Variants in HTR4 observed in about 807,000 individuals in gnomAD.
HTR4 encodes the protein 5-hydroxytryptamine (serotonin) receptor 4, G protein-coupled.
Under a neutral mutation model 36.8 loss-of-function variants are expected in HTR4, and 16 were observed. That is an observed-to-expected ratio of 0.43 (90% CI 0.29 to 0.66). The LOEUF is 0.66. HTR4 is among the 30% of genes least tolerant of loss of function. The probability of loss-of-function intolerance (pLI) is 0.13; values close to 1 mark genes in which losing one functional copy is unlikely to be tolerated. For synonymous variants in HTR4, 189 were observed against 185.1 expected (o/e 1.02, Z -0.17); for missense variants, 438 against 490.9 (o/e 0.89, Z 1.02).
intron 2 of HTR4, among the ~76,000 whole-genome samples, chr5:148,577,623 A>G (rs1195296107): frequency 6.6e-6 from 1 of 152,160 alleles, no homozygotes; most frequent in African/African-American, 2.4e-5. Flanking sequence ...TACACCATAG[A>G]ATACTATGCA....
At chr5:148,546,365 A>G (rs571979901) in intron 4 of HTR4, among the ~76,000 whole-genome samples, 2 of 152,228 alleles carry the variant, frequency 1.3e-5, no homozygotes, top group African/African-American at 4.8e-5. Context: ...TAGACTCAGA[A>G]AGGCTTAATC....
At chr5:148,501,506 T>C (rs187357310) in intron 6 of HTR4, among the ~76,000 whole-genome samples, 1 of 152,328 alleles carries the variant, frequency 6.6e-6, no homozygotes, top group Non-Finnish European at 1.5e-5. Context: ...AAAATTGTCT[T>C]AGTTGTGTTA....
rs995434534 is a variant in HTR4 at position 148,463,704 on chromosome 5, T to TG, written c.1077-12433_1077-12432insC. ...TCAAAATCTCAGTGAGGTTTTTTTTTTTTGTTTGTTTTTTAACAAAGAATA... is the reference window on the plus strand; with the variant it reads ...TCAAAATCTCAGTGAGGTTTTTTTTTGTTTGTTTGTTTTTTAACAAAGAATA... On this transcript the variant is annotated intron_variant, in intron 5 of 5. Transcript: ENST00000521530. 9.8e-4 allele frequency among the ~76,000 whole-genome samples: 149 copies of TG among 151,810 alleles called. 1 individual carries two copies. The highest frequency in any genetic ancestry group is 3.4e-3 in the Middle Eastern group (1 of 294).
intron 2 of HTR4, among the ~76,000 whole-genome samples, chr5:148,587,905 T>C (rs1210467095): frequency 1.3e-5 from 2 of 152,172 alleles, no homozygotes; most frequent in African/African-American, 2.4e-5. Context: ...GATATCACAG[T>C]TGCCTCTGGC....
At chr5:148,479,381 T>C (rs1351720132), downstream of HTR4, among the ~76,000 whole-genome samples, 1 of 152,064 alleles carries the variant, frequency 6.6e-6, no homozygotes, top group Non-Finnish European at 1.5e-5. Context: ...TCCACAAGAC[T>C]GAGGCATGGG....
chr5:148,624,993 C>T (rs1239084230), intron 2 of HTR4, among the ~76,000 whole-genome samples: 1 of 152,062 alleles, frequency 6.6e-6, no homozygotes, highest in African/African-American at 2.4e-5. Flanking sequence ...TAATTGATAA[C>T]AGCAATTTGT....
chr5:148,515,316 A>G (rs146909206), intron 5 of HTR4, among the ~76,000 whole-genome samples: 2,380 of 152,244 alleles, frequency 0.016, 34 homozygotes, highest in Middle Eastern at 0.048. Flanking sequence ...TATTGTTTTC[A>G]TGCATTTTAA....
rs1325168307 is a variant in HTR4 at position 148,481,664 on chromosome 5, C to T, written c.*1539G>A. On this transcript the variant is annotated 3_prime_UTR_variant, in exon 7 of 7. Coordinates refer to ENST00000377888, the MANE Select transcript of HTR4 (RefSeq NM_000870.7). ...ACAACAATGGAAACAATAACTGACA[C>T]CTTATAAGCAATAAGAAAAAAAGAG... 4.0e-6 allele frequency: 6 copies of T among 1,489,816 alleles called. No individual in the cohort carries two copies. The highest frequency in any genetic ancestry group is 5.3e-6 in the Non-Finnish European group (6 of 1,133,712). 92.3% of individuals were successfully genotyped at this position (1,489,816 alleles called of 1,614,324 possible). A position where few individuals can be genotyped will look rare whatever the true frequency, so the allele number is the denominator to read the frequency against.
chr5:148,509,934 C>T lies in HTR4; in HGVS notation c.598G>A (p.Ala200Thr). The T allele has an allele frequency of 6.2e-7, 1 of 1,613,866 alleles. No homozygotes were observed. Among genetic ancestry groups the T allele is most frequent in the South Asian group, 1.1e-5 (1 of 91,068 alleles). The change falls in exon 6 of 7, where the codon GCC (alanine) becomes ACC (threonine). Residue 200 changes from alanine (A) to threonine (T), a missense_variant. Coordinates refer to ENST00000377888, the MANE Select transcript of HTR4 (RefSeq NM_000870.7). ...KPYAITCSVV[A>T]FYIPFLLMVL... ...ATGAGGAGAAATGGGATGTAGAAGG[C>T]CACCACAGAGCAGGTGATGGCGTAG...
chr5:148,654,377 C>T lies in HTR4; in HGVS notation c.-363G>A, dbSNP rs1754132778. The T allele has an allele frequency of 1.0e-6, 1 of 985,312 alleles. No individual in the cohort carries two copies. Among genetic ancestry groups the T allele is most frequent in the Non-Finnish European group, 1.2e-6 (1 of 829,936 alleles). 61.0% of individuals were successfully genotyped at this position (985,312 alleles called of 1,614,324 possible). A position where few individuals can be genotyped will look rare whatever the true frequency, so the allele number is the denominator to read the frequency against. On this transcript the variant is annotated 5_prime_UTR_variant, in exon 1 of 7. Transcript: ENST00000377888. ...CCCCGGTGGTCCCCGCTGCCCTGCC[C>T]GCTGCCGCCCCCACTGGGCGCCAGG...
intron 4 of HTR4, among the ~76,000 whole-genome samples, chr5:148,535,540 A>C (rs931568582): frequency 6.6e-6 from 1 of 152,248 alleles, no homozygotes; most frequent in Non-Finnish European, 1.5e-5. Context: ...AAAAAAGAAC[A>C]TAATGGATCT....
At chr5:148,525,030 T>C (rs1166678128) in intron 4 of HTR4, among the ~76,000 whole-genome samples, 1 of 152,096 alleles carries the variant, frequency 6.6e-6, no homozygotes, top group African/African-American at 2.4e-5. Context: ...GCAAGCTTGG[T>C]GGGGTGTCCT....
At chr5:148,457,843 A>G (rs903648365) in intron 5 of HTR4, among the ~76,000 whole-genome samples, 5 of 141,294 alleles carry the variant, frequency 3.5e-5, no homozygotes, top group Admixed American at 2.1e-4. Flanking sequence ...ATTTTGTTAT[A>G]TCATTAAAAT....
intron 2 of HTR4, among the ~76,000 whole-genome samples, chr5:148,552,674 A>G (rs1759757348): frequency 6.6e-6 from 1 of 152,168 alleles, no homozygotes; most frequent in African/African-American, 2.4e-5. Flanking sequence ...CATTTTCTTT[A>G]CAGCATTTAC....
At chr5:148,504,701 A>G (rs1757103256) in intron 6 of HTR4, among the ~76,000 whole-genome samples, 1 of 152,208 alleles carries the variant, frequency 6.6e-6, no homozygotes, top group African/African-American at 2.4e-5. Context: ...CAATGAATCC[A>G]GGAGCTGGTT....
At chr5:148,496,015 G>T (rs1453163335) in intron 6 of HTR4, among the ~76,000 whole-genome samples, 1 of 152,114 alleles carries the variant, frequency 6.6e-6, no homozygotes, top group Non-Finnish European at 1.5e-5. Flanking sequence ...CAAGGGAATC[G>T]CTTGAACTCA....
At chr5:148,498,278 G>A (rs1167680135) in intron 6 of HTR4, among the ~76,000 whole-genome samples, 1 of 152,270 alleles carries the variant, frequency 6.6e-6, no homozygotes, top group South Asian at 2.1e-4. Context: ...TTGTCAAAAA[G>A]ACTTTAAAGG....
chr5:148,596,230 T>C (rs989589540), intron 2 of HTR4, among the ~76,000 whole-genome samples: 2 of 152,222 alleles, frequency 1.3e-5, no homozygotes, highest in African/African-American at 4.8e-5. Flanking sequence ...GATAATATCT[T>C]ACTACTAGTC....
At chr5:148,546,316 T>C (rs1404365691) in intron 4 of HTR4, among the ~76,000 whole-genome samples, 1 of 152,186 alleles carries the variant, frequency 6.6e-6, no homozygotes, top group Non-Finnish European at 1.5e-5. Context: ...TCATATAAAA[T>C]AGGTGCTATC....
Sources: gnomAD v4.1 joint callset for allele counts (sites outside exome capture counted in the v4.1 genomes callset) on GRCh38, gnomAD v4.1.1 for gene constraint, MANE v1.5 for transcripts, NCBI Gene and HGNC (gene_info 2026-07-23, HGNC 2026-07-21) for gene names.